The following PCDHGA7 variants were observed in gnomAD, a reference collection of about 807,000 sequenced individuals.
PCDHGA7 encodes protocadherin gamma-A7.
A neutral mutation model predicts 58.3 loss-of-function variants in PCDHGA7; 44 were observed. The observed-to-expected ratio is 0.75, with a 90% CI of 0.59 to 0.97. PCDHGA7 has a LOEUF of 0.97. PCDHGA7 is among the 50% of genes least tolerant of loss of function. The pLI is 0.00. For synonymous variants in PCDHGA7, 516 were observed against 504.2 expected, an observed-to-expected ratio of 1.02 and a Z score of -0.31; for missense variants, 1,266 against 1,188.7, an observed-to-expected ratio of 1.06 and a Z score of -0.96.
intron 1 of PCDHGA7, among the ~76,000 whole-genome samples, chr5:141,467,743 C>T (rs1166073224): frequency 8.5e-5 from 13 of 152,052 alleles, no homozygotes; most frequent in Non-Finnish European, 1.8e-4. Flanking sequence ...CTCGCTGCAA[C>T]CTCCGCCTCA....
At chr5:141,447,263 C>A (rs953578064) in intron 1 of PCDHGA7, among the ~76,000 whole-genome samples, 1 of 152,116 alleles carries the variant, frequency 6.6e-6, no homozygotes, top group Non-Finnish European at 1.5e-5. Context: ...TCTCAGCCTC[C>A]CAAGTAGCTG....
chr5:141,394,912 T>C (rs1205097386), intron 1 of PCDHGA7: 11 of 1,613,694 alleles, frequency 6.8e-6, no homozygotes, highest in Non-Finnish European at 9.3e-6. Context: ...GTGGCTGCCA[T>C]CTCCTGTGTC....
rs1031996605 is a variant in PCDHGA7, at chr5:141,487,055, G to C, written c.2425-7752G>C. ...TGCAGTCTCTCGATATGCTGGGGAG[G>C]TGCGGACGGCTGTTCCTATCCCAGC... is the stretch of plus-strand genomic sequence containing the variant. On this transcript the variant is annotated intron_variant, in intron 1 of 3. Transcript: ENST00000518325. The surrounding 1 kb of genome is among the most constrained non-coding windows in gnomAD (Gnocchi z 5.0). The C allele has an allele frequency of 6.2e-7, 1 of 1,614,186 alleles. No individual in the cohort carries two copies. The highest frequency in any genetic ancestry group is 8.5e-7 in the Non-Finnish European group (1 of 1,180,038).
In PCDHGA7 at chr5:141,385,253, G is replaced by A. The variant is rs1234375073; in HGVS notation, c.2354G>A (p.Cys785Tyr). ...YVDMLISQES[C>Y]EKNDSLLTSV... ...GACATGCTCATCAGCCAGGAGAGCT[G>A]TGAGAAAAATGATTCTTTGCTAACA... Residue 785 changes from cysteine to tyrosine, a missense_variant, in exon 1 of 4, where the codon TGT becomes TAT. By Grantham distance (194) the Cys-to-Tyr change is radical (BLOSUM62 -2). Transcript: ENST00000518325. The A allele has an allele frequency of 6.2e-7, 1 of 1,613,650 alleles. No individual in the cohort carries two copies. The highest frequency in any genetic ancestry group is 8.5e-7 in the Non-Finnish European group (1 of 1,179,648).
chr5:141,414,620 A>G, intron 1 of PCDHGA7: 4 of 1,613,938 alleles, frequency 2.5e-6, no homozygotes, highest in Non-Finnish European at 3.4e-6. Flanking sequence ...ACAGCGCTGG[A>G]CCCGGACAGC....
intron 1 of PCDHGA7, among the ~76,000 whole-genome samples, chr5:141,426,040 G>C (rs1032424646): frequency 2.0e-5 from 3 of 152,212 alleles, no homozygotes; most frequent in African/African-American, 7.2e-5. Flanking sequence ...GAGCCCTGCT[G>C]TTGGCCAATG....
In PCDHGA7 at chr5:141,399,858, T is replaced by G. The variant is rs1003401029; in HGVS notation, c.2424+14535T>G. On this transcript the variant is annotated intron_variant, in intron 1 of 3. Transcript: ENST00000518325. The stretch of plus-strand genomic sequence containing the variant: ...CGCTCTTCGATATGGTGCCGCGCGC[T>G]GCAGAGCCCGGCTACCTGGTGACCA... The G allele has an allele frequency of 3.7e-6, 6 of 1,612,764 alleles. No individual in the cohort carries two copies. In the African/African-American group the frequency reaches 6.7e-5, roughly 18 times the overall value.
intron 1 of PCDHGA7, chr5:141,418,820 G>A: frequency 6.2e-7 from 1 of 1,613,918 alleles, no homozygotes. Flanking sequence ...AAACATAGAA[G>A]CAAAAGACCG....
At chr5:141,419,259 C>T (rs765877993) in intron 1 of PCDHGA7, 2 of 1,613,900 alleles carry the variant, frequency 1.2e-6, no homozygotes, top group South Asian at 2.2e-5. Flanking sequence ...AACAACCAGC[C>T]GGGTGCCTCC....
rs561359605 is a variant in PCDHGA7 at position 141,400,125 on chromosome 5, G to A, written c.2424+14802G>A. ...TGGTCTTTGCTGACAGCTTGCAGGA[G>A]GTGCTGCCGGATATCACTGACCGCC... On this transcript the variant is annotated intron_variant, in intron 1 of 3. Coordinates refer to ENST00000518325, the MANE Select transcript of PCDHGA7 (RefSeq NM_018920.4). The A allele has an allele frequency of 2.5e-4, 399 of 1,614,072 alleles. 3 individuals are homozygous for A. In the Admixed American group the frequency reaches 6.3e-3, roughly 26 times the overall value.
Position 141,481,350 on chromosome 5 carries a change from T to C in PCDHGA7, c.2425-13457T>C, listed in dbSNP as rs901892475. Among the ~76,000 whole-genome samples, 4 of 152,248 alleles carry C rather than the reference T, an allele frequency of 2.6e-5. No homozygotes were observed. The South Asian group carries it at 8.3e-4, about 32-fold the overall frequency. On this transcript the variant is annotated intron_variant, in intron 1 of 3. Coordinates refer to ENST00000518325, the MANE Select transcript of PCDHGA7 (RefSeq NM_018920.4). The stretch of plus-strand genomic sequence containing the variant: ...CCTGGACAACTATTATTTAAACATC[T>C]ACAGCTGTTCAATAGATATTGGGTT...
Position 141,476,129 on chromosome 5 carries a change from G to T in PCDHGA7, c.2425-18678G>T, listed in dbSNP as rs2099385585. 6.2e-7 allele frequency: 1 copy of T among 1,606,848 alleles called. No homozygotes were observed. The highest frequency in any genetic ancestry group is 1.3e-5 in the African/African-American group (1 of 75,000). On this transcript the variant is annotated intron_variant, in intron 1 of 3. Transcript: ENST00000518325. The surrounding 1 kb of genome is among the most constrained non-coding windows in gnomAD (Gnocchi z 7.6). ...GCTTTTGAGTGAGATGGTCCCAGAG[G>T]CCTGGAGGAGCGGACTGGTAAGCAC...
chr5:141,389,853 A>G, intron 1 of PCDHGA7: 1 of 1,614,050 alleles, frequency 6.2e-7, no homozygotes, highest in South Asian at 1.1e-5. Context: ...GGCCACTGCC[A>G]CGTTGCACCT....
At position 141,390,172 on chromosome 5, in the gene PCDHGA7, ATT is replaced by A. The variant is rs745723390; in HGVS notation, c.2424+4851_2424+4852del. 218 of 1,614,012 alleles carry A rather than the reference ATT, an allele frequency of 1.4e-4. 1 individual carries two copies. In the African/African-American group the frequency reaches 2.7e-3, roughly 20 times the overall value. ...GCACATACAGGAAAGACGGAGTTTA[ATT>A]TCCTAAAATGTAGTGAGCAGTTGAG... On this transcript the variant is annotated intron_variant, in intron 1 of 3. Transcript: ENST00000518325.
chr5:141,387,732 C>G (rs940812767), intron 1 of PCDHGA7: 1 of 1,279,212 alleles, frequency 7.8e-7, no homozygotes, highest in South Asian at 1.6e-5. Context: ...CAGCGCCAGC[C>G]TTTACACCGC....
intron 1 of PCDHGA7, chr5:141,388,815 A>G: frequency 1.2e-6 from 2 of 1,613,992 alleles, no homozygotes; most frequent in Non-Finnish European, 1.7e-6. Flanking sequence ...TGAAGAAGTC[A>G]AAGAATATTC....
At chr5:141,413,364 G>A (rs759265336) in intron 1 of PCDHGA7, 14 of 1,613,870 alleles carry the variant, frequency 8.7e-6, no homozygotes, top group African/African-American at 5.3e-5. Flanking sequence ...CCCGGGAGCT[G>A]GCGGAGCGCG....
In PCDHGA7 at chr5:141,431,280, C is replaced by T. The variant is rs2097357763; in HGVS notation, c.2424+45957C>T. The T allele has an allele frequency of 1.9e-6, 3 of 1,614,146 alleles. No homozygotes were observed. Among genetic ancestry groups the T allele is most frequent in the South Asian group, 1.1e-5 (1 of 91,088 alleles). ...TCTCTGCAGAGCTACGAGCTCAGCC[C>T]GAACACTCACTTCTCCCTCATCGTG... On this transcript the variant is annotated intron_variant, in intron 1 of 3. Transcript: ENST00000518325. This position sits in a 1 kb window ranked among gnomAD's most constrained non-coding sequence, Gnocchi z 4.8.
intron 1 of PCDHGA7, chr5:141,393,374 T>G (rs11575958): frequency 0.026 from 42,476 of 1,613,728 alleles, 744 homozygotes; most frequent in East Asian, 0.04. Flanking sequence ...CTGGAGACAA[T>G]GGAGCCATAA....
Sources: gnomAD v4.1 joint callset for allele counts (sites outside exome capture counted in the v4.1 genomes callset) on GRCh38, gnomAD v4.1.1 for gene constraint, Gnocchi (gnomAD v3.1) non-coding constraint, MANE v1.5 for transcripts, NCBI Gene and HGNC (gene_info 2026-07-23, HGNC 2026-07-21) for gene names.